Variants in ARHGEF37 observed in about 807,000 individuals in gnomAD.
ARHGEF37 encodes Rho guanine nucleotide exchange factor 37.
In ARHGEF37, 55 loss-of-function variants were observed where a neutral mutation model predicts 71.1. That is an observed-to-expected ratio of 0.77 (90% CI 0.62 to 0.97). The LOEUF (loss-of-function observed/expected upper bound fraction) is 0.97. Among genes scored for constraint, ARHGEF37 ranks in the 50% least tolerant of loss-of-function variants. The pLI is 0.00. For missense variants in ARHGEF37, 765 were observed against 836.8 expected, an observed-to-expected ratio of 0.91 and a Z score of 1.06; for synonymous variants, 327 against 350.6, an observed-to-expected ratio of 0.93 and a Z score of 0.75.
intron 12 of ARHGEF37, 107 bp downstream of exon 12, chr5:149,629,073 G>A (rs1752797942): frequency 7.3e-7 from 1 of 1,362,264 alleles, no homozygotes; most frequent in African/African-American, 1.5e-5. Flanking sequence ...TGGTGGGGCT[G>A]CCACTCTGTG....
rs1752606546 is a variant in ARHGEF37, at chr5:149,623,879, C to T, written c.1336-133C>T. On this transcript the variant is annotated intron_variant, in intron 9 of 12. Transcript: ENST00000333677. ...TCTGACGAAAATGCAAGAGATCCTG[C>T]ACAGGGTCAAGGTCTCAGGACAGAG... 3.3e-6 allele frequency: 4 copies of T among 1,224,006 alleles called. No homozygotes were observed. In the South Asian group the frequency reaches 7.8e-5, roughly 24 times the overall value. The allele number at this position is 1,224,006 out of a possible 1,614,324, so 75.8% of individuals were successfully genotyped here.
chr5:149,620,545 T>C (rs1226820513), intron 8 of ARHGEF37, 81 bp downstream of exon 8: 1 of 1,192,698 alleles, frequency 8.4e-7, no homozygotes, highest in Admixed American at 2.4e-5. Context: ...AGTCAGGCAC[T>C]TTGGCCAGGC....
chr5:149,629,879 G>A (rs1350967004), intron 12 of ARHGEF37, among the ~76,000 whole-genome samples: 3 of 152,284 alleles, frequency 2.0e-5, no homozygotes, highest in Non-Finnish European at 2.9e-5. Flanking sequence ...ATGAAACACC[G>A]GTACATGCTG....
At chr5:149,605,937 A>G (rs1763902675) in intron 3 of ARHGEF37, among the ~76,000 whole-genome samples, 1 of 152,042 alleles carries the variant, frequency 6.6e-6, no homozygotes, top group Admixed American at 6.5e-5. Flanking sequence ...ATCCCCTTTT[A>G]TGCTAGGAAT....
chr5:149,620,255 G>A, intron 7 of ARHGEF37, 99 bp from the exon 8 acceptor site: 1 of 773,022 alleles, frequency 1.3e-6, no homozygotes, highest in East Asian at 2.6e-5. Context: ...GGTGTGTAGA[G>A]AGCCTGGAAA....
intron 1 of ARHGEF37, among the ~76,000 whole-genome samples, chr5:149,566,341 AC>A (rs1399805024): frequency 8.6e-5 from 13 of 151,920 alleles, no homozygotes; most frequent in South Asian, 8.3e-4. Context: ...TACTAAAAAT[AC>A]AAAAATTAGC....
chr5:149,560,631 T>G (rs967877139), intron 1 of ARHGEF37, among the ~76,000 whole-genome samples: 1 of 152,172 alleles, frequency 6.6e-6, no homozygotes, highest in Non-Finnish European at 1.5e-5. Context: ...TTTAAAAATA[T>G]TGTGCTATTG....
chr5:149,609,438 C>A, intron 3 of ARHGEF37, 110 bp from the exon 4 acceptor site: 1 of 1,256,128 alleles, frequency 8.0e-7, no homozygotes, highest in Non-Finnish European at 1.1e-6. Flanking sequence ...GCTGGTAAAC[C>A]CAGCAATCTC....
intron 1 of ARHGEF37, among the ~76,000 whole-genome samples, chr5:149,586,342 A>C (rs1335147213): frequency 2.0e-5 from 3 of 152,194 alleles, no homozygotes; most frequent in African/African-American, 7.2e-5. Flanking sequence ...GCTCACTGCA[A>C]CTTCTGCCTC....
At chr5:149,597,086 T>C (rs1358704925) in intron 1 of ARHGEF37, among the ~76,000 whole-genome samples, 1 of 151,538 alleles carries the variant, frequency 6.6e-6, no homozygotes, top group Non-Finnish European at 1.5e-5. Context: ...AAGGCCTAAA[T>C]GGGGTAGCTG....
chr5:149,609,766 C>G (rs1337162783), intron 4 of ARHGEF37, 71 bp downstream of exon 4: 13 of 1,589,992 alleles, frequency 8.2e-6, no homozygotes, highest in Non-Finnish European at 1.0e-5. Context: ...ATGGTCTCAC[C>G]CCTTTTTCAT....
intron 1 of ARHGEF37, among the ~76,000 whole-genome samples, chr5:149,591,217 G>C (rs1460396355): frequency 8.4e-6 from 1 of 119,396 alleles, no homozygotes; most frequent in African/African-American, 3.3e-5. Flanking sequence ...GGACTTTTGT[G>C]TTCCATCTCA....
At chr5:149,563,781 A>G (rs529383559) in intron 1 of ARHGEF37, among the ~76,000 whole-genome samples, 1 of 152,264 alleles carries the variant, frequency 6.6e-6, no homozygotes, top group South Asian at 2.1e-4. Flanking sequence ...TCCTTTTGAC[A>G]AGGTCATCAC....
chr5:149,570,709 C>T (rs1167585186), intron 1 of ARHGEF37, among the ~76,000 whole-genome samples: 2 of 150,076 alleles, frequency 1.3e-5, no homozygotes, highest in African/African-American at 4.9e-5. Context: ...AACCCCGTCT[C>T]TACTAAAATT....
intron 1 of ARHGEF37, among the ~76,000 whole-genome samples, chr5:149,555,317 C>T (rs1762738944): frequency 6.6e-6 from 1 of 151,750 alleles, no homozygotes; most frequent in African/African-American, 2.4e-5. Flanking sequence ...TTGCAATTTA[C>T]TTATGAGTCA....
chr5:149,630,601 C>A (rs1261140064), intron 12 of ARHGEF37, among the ~76,000 whole-genome samples: 1 of 152,132 alleles, frequency 6.6e-6, no homozygotes, highest in Non-Finnish European at 1.5e-5. Flanking sequence ...TACAAAGCAC[C>A]CACCAGAGCC....
At chr5:149,572,933 A>G (rs1424531820) in intron 1 of ARHGEF37, among the ~76,000 whole-genome samples, 1 of 152,196 alleles carries the variant, frequency 6.6e-6, no homozygotes, top group Admixed American at 6.5e-5. Flanking sequence ...ATTTTAAAAA[A>G]AAATTTATTT....
chr5:149,573,223 C>T (rs1274805819), intron 1 of ARHGEF37, among the ~76,000 whole-genome samples: 1 of 152,160 alleles, frequency 6.6e-6, no homozygotes, highest in East Asian at 1.9e-4. Context: ...ATATCCCACA[C>T]ACCTCTCATT....
intron 4 of ARHGEF37, among the ~76,000 whole-genome samples, chr5:149,614,477 G>A (rs1447203513): frequency 2.0e-5 from 3 of 152,102 alleles, no homozygotes; most frequent in South Asian, 2.1e-4. Context: ...AAATGTGAGC[G>A]GATGCCCTCA....
Sources: gnomAD v4.1 joint callset for allele counts (sites outside exome capture counted in the v4.1 genomes callset) on GRCh38, gnomAD v4.1.1 for gene constraint, MANE v1.5 for transcripts, NCBI Gene and HGNC (gene_info 2026-07-23, HGNC 2026-07-21) for gene names.